Variants in TAF12 observed in about 807,000 individuals in gnomAD.
TAF12 encodes the protein transcription initiation factor TFIID subunit 12.
Under a neutral mutation model 20.8 loss-of-function variants are expected in TAF12, and 3 were observed. The ratio of observed to expected loss-of-function variants is 0.14; its 90% confidence interval spans 0.07 to 0.37. The LOEUF (loss-of-function observed/expected upper bound fraction) is 0.37, where lower values mean the gene tolerates loss of function less well. Ranked by LOEUF, TAF12 falls within the 10% of genes least tolerant of loss-of-function variation. The probability of loss-of-function intolerance (pLI) is 1.00; values close to 1 mark genes in which losing one functional copy is unlikely to be tolerated. For synonymous variants in TAF12, 69 were observed against 70.2 expected, an observed-to-expected ratio of 0.98 and a Z score of 0.09; for missense variants, 131 against 197.9, an observed-to-expected ratio of 0.66 and a Z score of 2.03.
upstream of TAF12, among the ~76,000 whole-genome samples, chr1:28,647,943 T>C (rs1160496447): frequency 6.6e-6 from 1 of 152,118 alleles, no homozygotes; most frequent in Non-Finnish European, 1.5e-5. Context: ...ATTTTTCACA[T>C]TAATGCTATG....
At chr1:28,626,581 C>CA (rs549427311) in intron 1 of TAF12, among the ~76,000 whole-genome samples, 6,657 of 60,010 alleles carry the variant, frequency 0.11, 200 homozygotes, top group Middle Eastern at 0.21. Context: ...AACTCTGTCT[C>CA]AAAAAAAAAA....
chr1:28,621,065 T>C (rs1430041474), intron 2 of TAF12, among the ~76,000 whole-genome samples: 1 of 152,192 alleles, frequency 6.6e-6, no homozygotes, highest in Non-Finnish European at 1.5e-5. Context: ...GCAAAGATTG[T>C]ATATTGCCTA....
At chr1:28,639,749 ATAG>A (rs950195279) in intron 1 of TAF12, among the ~76,000 whole-genome samples, 1 of 152,222 alleles carries the variant, frequency 6.6e-6, no homozygotes, top group Non-Finnish European at 1.5e-5. Flanking sequence ...TGGGGAAAAA[ATAG>A]TAGTTTTAAC....
At chr1:28,614,706 C>A (rs1666972894) in intron 3 of TAF12, among the ~76,000 whole-genome samples, 1 of 149,826 alleles carries the variant, frequency 6.7e-6, no homozygotes, top group Non-Finnish European at 1.5e-5. Flanking sequence ...AGCAGAGGAA[C>A]CAGGATGCCA....
chr1:28,608,835 G>A (rs998407058), intron 4 of TAF12, among the ~76,000 whole-genome samples: 3 of 151,874 alleles, frequency 2.0e-5, no homozygotes, highest in African/African-American at 7.2e-5. Flanking sequence ...CAGTTACTCC[G>A]AAGGCTGAGG....
chr1:28,607,963 C>A (rs1666722294), intron 4 of TAF12, among the ~76,000 whole-genome samples: 1 of 151,880 alleles, frequency 6.6e-6, no homozygotes. Flanking sequence ...ATGGTGAAAC[C>A]TCCTATCTAC....
intron 1 of TAF12, among the ~76,000 whole-genome samples, chr1:28,625,707 A>AT (rs911784084): frequency 6.6e-6 from 1 of 151,480 alleles, no homozygotes; most frequent in Admixed American, 6.6e-5. Context: ...ACGCCCAGCT[A>AT]TTTTTTTGTA....
At chr1:28,604,183 G>C (rs1025101119) in intron 5 of TAF12, among the ~76,000 whole-genome samples, 1 of 152,134 alleles carries the variant, frequency 6.6e-6, no homozygotes, top group South Asian at 2.1e-4. Context: ...AGGATTACAG[G>C]CATGAGCCAC....
intron 1 of TAF12, among the ~76,000 whole-genome samples, chr1:28,633,234 T>C (rs1044073874): frequency 3.3e-5 from 5 of 150,110 alleles, no homozygotes; most frequent in African/African-American, 1.2e-4. Context: ...GAGCCCAATC[T>C]TGGCTCACTG....
At chr1:28,635,249 T>A (rs1290003666) in intron 1 of TAF12, among the ~76,000 whole-genome samples, 28 of 123,118 alleles carry the variant, frequency 2.3e-4, no homozygotes, top group African/African-American at 3.5e-4. Flanking sequence ...AATAAATAAA[T>A]AAAAAAAACC....
upstream of TAF12, among the ~76,000 whole-genome samples, chr1:28,647,080 C>G (rs1345952511): frequency 6.6e-6 from 1 of 152,068 alleles, no homozygotes; most frequent in Non-Finnish European, 1.5e-5. Flanking sequence ...GTGATCCACC[C>G]ACCTCAGCTT....
chr1:28,605,605 G>A, intron 4 of TAF12, 145 bp from the exon 5 acceptor site: 1 of 742,924 alleles, frequency 1.3e-6, no homozygotes, highest in Non-Finnish European at 2.2e-6. Flanking sequence ...TAGGGAAAAT[G>A]GACATGGCTT....
intron 1 of TAF12, among the ~76,000 whole-genome samples, chr1:28,625,214 CAG>C (rs764802629): frequency 6.6e-6 from 1 of 152,198 alleles, no homozygotes; most frequent in Non-Finnish European, 1.5e-5. Context: ...CTTTTTATAA[CAG>C]AGATTTTTGA....
At chr1:28,620,780 C>G (rs367701455) in intron 2 of TAF12, among the ~76,000 whole-genome samples, 1 of 151,944 alleles carries the variant, frequency 6.6e-6, no homozygotes, top group Non-Finnish European at 1.5e-5. Context: ...TACCATTGCA[C>G]TCTAGCCCAG....
chr1:28,631,196 A>G (rs1263323419), intron 1 of TAF12, among the ~76,000 whole-genome samples: 2 of 151,862 alleles, frequency 1.3e-5, no homozygotes, highest in African/African-American at 4.8e-5. Flanking sequence ...TTCAAAATTC[A>G]ACAATAAGAA....
chr1:28,603,573 C>T lies in TAF12; in HGVS notation c.452G>A (p.Arg151Lys), dbSNP rs139249390. 8.1e-6 allele frequency: 13 copies of T among 1,613,608 alleles called. No homozygotes were observed. Among genetic ancestry groups the T allele is most frequent in the South Asian group, 1.1e-5 (1 of 91,092 alleles). The change falls in exon 6 of 6, where the codon AGA becomes AAA. Residue 151 changes from arginine (R) to lysine (K), a missense_variant and splice_region_variant. Arg to Lys is a conservative substitution (Grantham distance 26, BLOSUM62 2). Transcript: ENST00000373824. ...KACTTEAHKQ[R>K]MALIRKTTKK ...GGTTGTTTTCCGGATCAATGCCATT[C>T]TCTGAAAGGAGAGACAAATAAGCAG...
intron 2 of TAF12, among the ~76,000 whole-genome samples, chr1:28,619,935 C>A (rs563942740): frequency 1.3e-4 from 19 of 146,248 alleles, no homozygotes; most frequent in Admixed American, 1.2e-3. Context: ...GGTGATAGAG[C>A]GAGACTCTGT....
chr1:28,618,716 TC>T (rs930593050), intron 2 of TAF12, among the ~76,000 whole-genome samples: 24 of 152,070 alleles, frequency 1.6e-4, no homozygotes, highest in African/African-American at 5.8e-4. Context: ...TCCTAGCCCA[TC>T]CCAGTAAAGG....
chr1:28,643,123 C>A, upstream of TAF12: 1 of 985,898 alleles, frequency 1.0e-6, no homozygotes, highest in South Asian at 4.7e-5. Context: ...CCCGGAAACG[C>A]GCGGCTCTTC....
Sources: gnomAD v4.1 joint callset for allele counts (sites outside exome capture counted in the v4.1 genomes callset) on GRCh38, gnomAD v4.1.1 for gene constraint, MANE v1.5 for transcripts, NCBI Gene and HGNC (gene_info 2026-07-23, HGNC 2026-07-21) for gene names.